Variants in SEMA3F observed in about 807,000 individuals in gnomAD.
SEMA3F encodes semaphorin 3F, also known as semaphorin-3F.
In SEMA3F, 30 loss-of-function variants were observed where a neutral mutation model predicts 98.5. The observed-to-expected ratio is 0.30, with a 90% CI of 0.23 to 0.41. The LOEUF (loss-of-function observed/expected upper bound fraction) is 0.41, where lower values mean the gene tolerates loss of function less well. Among genes scored for constraint, SEMA3F ranks in the 10% least tolerant of loss-of-function variants. SEMA3F has a pLI of 1.00. For missense variants in SEMA3F, 866 were observed against 1,119.3 expected (o/e 0.77, Z 3.23); for synonymous variants, 380 against 444.8 (o/e 0.85, Z 1.83).
Position 50,188,011 on chromosome 3 carries a change from C to A in SEMA3F, c.2254C>A (p.His752Asn). 6.2e-7 allele frequency: 1 copy of A among 1,603,090 alleles called. No homozygotes were observed. Among genetic ancestry groups the A allele is most frequent in the East Asian group, 2.3e-5 (1 of 44,040 alleles). ...IHQYCQGYWR[H>N]VPPSPREAPG... ...CCAGTACTGCCAGGGTTACTGGCGC[C>A]ATGTGCCCCCCAGCCCCAGGGAGGC... is the stretch of plus-strand genomic sequence containing the variant. The change falls in exon 19 of 19, where the codon CAT becomes AAT. Residue 752 changes from histidine (H) to asparagine (N), a missense_variant. Physicochemically the swap from His to Asn is moderately conservative, Grantham distance 68. This residue lies in a region of SEMA3F where 245 missense variants were observed against 260.5 expected (regional missense o/e 0.94). Coordinates refer to ENST00000002829, the MANE Select transcript of SEMA3F (RefSeq NM_004186.5). The surrounding 1 kb of genome is among the most constrained non-coding windows in gnomAD (Gnocchi z 4.5).
intron 11 of SEMA3F, 67 bp from the exon 12 acceptor site, chr3:50,183,353 G>A: frequency 6.2e-7 from 1 of 1,605,106 alleles, no homozygotes; most frequent in Admixed American, 1.7e-5. Context: ...TGTGGGGAGG[G>A]GGCAGTTTGG....
intron 2 of SEMA3F, among the ~76,000 whole-genome samples, chr3:50,168,456 C>G (rs1388399844): frequency 6.6e-6 from 1 of 152,136 alleles, no homozygotes; most frequent in African/African-American, 2.4e-5. Context: ...TCTGCACATA[C>G]TGGGCCCTGG....
At position 50,188,653 on chromosome 3, in the gene SEMA3F, C is replaced by G. The variant is rs746058048; in HGVS notation, c.*538C>G. ...GGCACTCAGCCACGACCAGCCCCTTCCTGGGTATTTATTCTCTATTTATTG... is the reference window on the plus strand; with the variant it reads ...GGCACTCAGCCACGACCAGCCCCTTGCTGGGTATTTATTCTCTATTTATTG... On this transcript the variant is annotated 3_prime_UTR_variant, in exon 19 of 19. Coordinates refer to ENST00000002829, the MANE Select transcript of SEMA3F (RefSeq NM_004186.5). This position sits in a 1 kb window ranked among gnomAD's most constrained non-coding sequence, Gnocchi z 4.5. The G allele has an allele frequency of 1.3e-5, 2 of 152,686 alleles. No homozygotes were observed. The highest frequency in any genetic ancestry group is 6.5e-5 in the Admixed American group (1 of 15,288). The allele number at this position is 152,686 out of a possible 1,614,324, so 9.5% of individuals were successfully genotyped here.
Position 50,172,338 on chromosome 3 carries a change from T to TAA in SEMA3F, c.113-1455_113-1454insAA, listed in dbSNP as rs1698645556. 2.0e-5 allele frequency among the ~76,000 whole-genome samples: 3 copies of TAA among 152,248 alleles called. No homozygotes were observed. The East Asian group carries it at 5.8e-4, about 29-fold the overall frequency. ...ATCATCCTCATTACAGTGTTCCCTC[T>TAA]TTTGCTGAGCTAAAGATAGCTGGGG... is the stretch of plus-strand genomic sequence containing the variant. On this transcript the variant is annotated intron_variant, in intron 2 of 18. Coordinates refer to ENST00000002829, the MANE Select transcript of SEMA3F (RefSeq NM_004186.5).
chr3:50,175,057 G>T, intron 5 of SEMA3F, 39 bp from the exon 6 acceptor site: 9 of 1,366,274 alleles, frequency 6.6e-6, no homozygotes, highest in Non-Finnish European at 8.3e-6. Context: ...CCCAGCCCCT[G>T]CCACCCCCAG....
At chr3:50,175,523 A>G (rs1006157653) in intron 6 of SEMA3F, among the ~76,000 whole-genome samples, 2 of 152,238 alleles carry the variant, frequency 1.3e-5, no homozygotes, top group Non-Finnish European at 2.9e-5. Flanking sequence ...TTCCTCACTC[A>G]GCACCCAGAG....
At position 50,176,911 on chromosome 3, in the gene SEMA3F, C is replaced by T. The variant is rs1053616395; in HGVS notation, c.643+50C>T. 6 of 1,433,230 alleles carry T rather than the reference C, an allele frequency of 4.2e-6. No individual in the cohort carries two copies. In the East Asian group the frequency reaches 1.4e-4, roughly 33 times the overall value. 88.8% of individuals were successfully genotyped at this position (1,433,230 alleles called of 1,614,324 possible). On this transcript the variant is annotated intron_variant, in intron 7 of 18. Transcript: ENST00000002829. ...ACAGTCTCAATGTGTGGCCTCTGCC[C>T]CTGGAGATGGGGCATGGCACCAACA...
At chr3:50,155,077 C>A, upstream of SEMA3F, 1 of 378,470 alleles carries the variant, frequency 2.6e-6, no homozygotes, top group Non-Finnish European at 4.8e-6. The surrounding 1 kb of genome is among the most constrained non-coding windows in gnomAD (Gnocchi z 4.9). Flanking sequence ...GTCCCGCCGG[C>A]GGCCGCGAGA....
intron 2 of SEMA3F, among the ~76,000 whole-genome samples, chr3:50,170,522 A>G (rs1305345907): frequency 6.6e-6 from 1 of 152,062 alleles, no homozygotes; most frequent in Non-Finnish European, 1.5e-5. Flanking sequence ...AAAGGCAGAG[A>G]CACCCATGAA....
chr3:50,160,615 T>C (rs556894404), intron 2 of SEMA3F, among the ~76,000 whole-genome samples: 47 of 152,342 alleles, frequency 3.1e-4, no homozygotes, highest in African/African-American at 1.0e-3. Context: ...TTGGGAGTTC[T>C]CAGCCTTGGC....
In SEMA3F at chr3:50,155,561, AGAG is replaced by A. The variant is rs1306495343; in HGVS notation, c.-50_-49+1del. The A allele has an allele frequency of 3.2e-6, 1 of 312,998 alleles. No individual in the cohort carries two copies. The highest frequency in any genetic ancestry group is 5.8e-6 in the Non-Finnish European group (1 of 171,008). 19.4% of individuals were successfully genotyped at this position (312,998 alleles called of 1,614,324 possible). A position where few individuals can be genotyped will look rare whatever the true frequency, so the allele number is the denominator to read the frequency against. Reference sequence around the variant, plus strand: ...GGCGCCCAGGCCCCGCCGCTGCGGAAGAGGTGAGTGCAGCGGGAACCGGGAGGG... The same window carrying A: ...GGCGCCCAGGCCCCGCCGCTGCGGAAGTGAGTGCAGCGGGAACCGGGAGGG... On this transcript the variant is annotated splice_region_variant and 5_prime_UTR_variant, in exon 1 of 19. Transcript: ENST00000002829. This position sits in a 1 kb window ranked among gnomAD's most constrained non-coding sequence, Gnocchi z 4.9.
Position 50,166,197 on chromosome 3 carries a change from ACCCAGC to A in SEMA3F, c.112+6465_112+6470del, listed in dbSNP as rs1283983935. Among the ~76,000 whole-genome samples the A allele has an allele frequency of 1.4e-5, 2 of 145,456 alleles. No individual in the cohort carries two copies. The highest frequency in any genetic ancestry group is 4.1e-4 in the East Asian group (2 of 4,930). ...ATGCTCTTTCCTCGGACGTCTCTGT[ACCCAGC>A]CAAGAGCCTTGTTCCTTCCCACTTG... On this transcript the variant is annotated intron_variant, in intron 2 of 18. Coordinates refer to ENST00000002829, the MANE Select transcript of SEMA3F (RefSeq NM_004186.5). This position sits in a 1 kb window ranked among gnomAD's most constrained non-coding sequence, Gnocchi z 4.7.
At chr3:50,183,982 G>A (rs1445164394) in intron 12 of SEMA3F, among the ~76,000 whole-genome samples, 1 of 152,136 alleles carries the variant, frequency 6.6e-6, no homozygotes, top group Non-Finnish European at 1.5e-5. Flanking sequence ...ATGTGACACC[G>A]GCTGATGTGG....
chr3:50,184,282 A>G (rs13067082), intron 12 of SEMA3F: 298,346 of 421,866 alleles, frequency 0.71, 107,855 homozygotes, highest in East Asian at 1. Flanking sequence ...CCTAGGAACA[A>G]CCAGAGAGGA....
Position 50,166,771 on chromosome 3 carries a change from T to C in SEMA3F, c.113-7022T>C, listed in dbSNP as rs565249516. Among the ~76,000 whole-genome samples the C allele has an allele frequency of 6.6e-6, 1 of 152,318 alleles. No individual in the cohort carries two copies. Among genetic ancestry groups the C allele is most frequent in the African/African-American group, 2.4e-5 (1 of 41,574 alleles). On this transcript the variant is annotated intron_variant, in intron 2 of 18. Transcript: ENST00000002829. The surrounding 1 kb of genome is among the most constrained non-coding windows in gnomAD (Gnocchi z 4.7). Reference sequence around the variant, plus strand: ...CACCCACCAGCCTGTTGGTCCCATCTTGGCCTGTCTGTCTGGGTGATTTAT... The same window carrying C: ...CACCCACCAGCCTGTTGGTCCCATCCTGGCCTGTCTGTCTGGGTGATTTAT...
Position 50,182,137 on chromosome 3 carries a change from A to T in SEMA3F, c.644-147A>T. On this transcript the variant is annotated intron_variant, in intron 7 of 18. Transcript: ENST00000002829. The surrounding 1 kb of genome is among the most constrained non-coding windows in gnomAD (Gnocchi z 4.5). Reference sequence around the variant, plus strand: ...CCCAACCCTCCCAGAGCCAGTGGTGAAACACTGACCAGCACTCCACTGGAG... The same window carrying T: ...CCCAACCCTCCCAGAGCCAGTGGTGTAACACTGACCAGCACTCCACTGGAG... 1 of 953,046 alleles carries T rather than the reference A, an allele frequency of 1.0e-6. No individual in the cohort carries two copies. The highest frequency in any genetic ancestry group is 1.6e-6 in the Non-Finnish European group (1 of 627,692). The allele number at this position is 953,046 out of a possible 1,614,324, so 59.0% of individuals were successfully genotyped here.
rs1370794297 is a variant in SEMA3F at position 50,182,844 on chromosome 3, C to T, written c.904-60C>T. The T allele has an allele frequency of 4.3e-6, 7 of 1,609,502 alleles. No individual in the cohort carries two copies. The highest frequency in any genetic ancestry group is 5.9e-6 in the Non-Finnish European group (7 of 1,176,900). On this transcript the variant is annotated intron_variant, in intron 9 of 18. Transcript: ENST00000002829. This position sits in a 1 kb window ranked among gnomAD's most constrained non-coding sequence, Gnocchi z 4.5. ...ACCAGTTCTGGCTTCATCAGCCCTGCTCCAGCCAGGGCTTGGGGTCAAGAG... is the reference window on the plus strand; with the variant it reads ...ACCAGTTCTGGCTTCATCAGCCCTGTTCCAGCCAGGGCTTGGGGTCAAGAG...
chr3:50,182,181 GA>G lies in SEMA3F; in HGVS notation c.644-102del. On this transcript the variant is annotated intron_variant, in intron 7 of 18. Coordinates refer to ENST00000002829, the MANE Select transcript of SEMA3F (RefSeq NM_004186.5). The surrounding 1 kb of genome is among the most constrained non-coding windows in gnomAD (Gnocchi z 4.5). ...ACTGGAGATAGGATCATGCCCCAGG[GA>G]GCCTGAGCGGGGAGATAAGGCCCTG... 1 of 1,443,926 alleles carries G rather than the reference GA, an allele frequency of 6.9e-7. No individual in the cohort carries two copies. Among genetic ancestry groups the G allele is most frequent in the South Asian group, 1.2e-5 (1 of 84,736 alleles). The allele number at this position is 1,443,926 out of a possible 1,614,324, so 89.4% of individuals were successfully genotyped here.
rs766215463 is a variant in SEMA3F, at chr3:50,182,684, G to A, written c.804G>A (p.Ala268=). 11 of 1,613,590 alleles carry A rather than the reference G, an allele frequency of 6.8e-6. No homozygotes were observed. The highest frequency in any genetic ancestry group is 2.7e-5 in the African/African-American group (2 of 74,946). ...FIHAELIPDS[A]ERNDDKLYFF... is the part of the protein sequence containing the mutation. ...ATGCTGAGCTCATTCCTGACAGTGCGGAGCGCAATGATGATAAGCTTTACT... is the reference window on the plus strand; with the variant it reads ...ATGCTGAGCTCATTCCTGACAGTGCAGAGCGCAATGATGATAAGCTTTACT... The change falls in exon 9 of 19, where the codon GCG becomes GCA. Residue 268 remains alanine (A), a synonymous_variant. Coordinates refer to ENST00000002829, the MANE Select transcript of SEMA3F (RefSeq NM_004186.5). This position sits in a 1 kb window ranked among gnomAD's most constrained non-coding sequence, Gnocchi z 4.5.
Sources: gnomAD v4.1 joint callset for allele counts (sites outside exome capture counted in the v4.1 genomes callset) on GRCh38, gnomAD v4.1.1 for gene constraint, gnomAD v4.1.1 regional missense constraint, Gnocchi (gnomAD v3.1) non-coding constraint, MANE v1.5 for transcripts, NCBI Gene and HGNC (gene_info 2026-07-23, HGNC 2026-07-21) for gene names.